The following NFIX variants were observed in gnomAD, a reference collection of about 807,000 sequenced individuals.
NFIX encodes the protein nuclear factor 1 X-type.
A neutral mutation model predicts 53.3 loss-of-function variants in NFIX; 2 were observed. The observed-to-expected ratio is 0.04, with a 90% CI of 0.02 to 0.12. The LOEUF is 0.12. NFIX is among the 10% of genes least tolerant of loss of function. The pLI, the probability that NFIX is intolerant of heterozygous loss-of-function variation, is 1.00. For missense variants in NFIX, 310 were observed against 674.5 expected (o/e 0.46, Z 5.99); for synonymous variants, 244 against 289.0 (o/e 0.84, Z 1.58).
chr19:13,035,568 G>T (rs2014127636), intron 2 of NFIX, among the ~76,000 whole-genome samples: 1 of 151,756 alleles, frequency 6.6e-6, no homozygotes. Context: ...CTGTTGTCTG[G>T]GTCTTAGTAC....
chr19:13,019,747 T>A (rs77790095), intron 1 of NFIX, among the ~76,000 whole-genome samples: 1 of 147,188 alleles, frequency 6.8e-6, no homozygotes, highest in Non-Finnish European at 1.5e-5. Flanking sequence ...TTTTTTTTTT[T>A]ACCAAATAGT....
Position 13,002,256 on chromosome 19 carries a change from T to C in NFIX, c.27+6392T>C, listed in dbSNP as rs1334098272. 1.3e-5 allele frequency among the ~76,000 whole-genome samples: 2 copies of C among 149,676 alleles called. No homozygotes were observed. Among genetic ancestry groups the C allele is most frequent in the Admixed American group, 6.6e-5 (1 of 15,038 alleles). ...TCCTCCCCTCCTCCCGCTCCCTCTC[T>C]CCCTCTCTCTCTCCTCCTGCCAAAC... On this transcript the variant is annotated intron_variant, in intron 1 of 10. Transcript: ENST00000592199. This position sits in a 1 kb window ranked among gnomAD's most constrained non-coding sequence, Gnocchi z 6.1.
chr19:13,000,016 C>T (rs781165945), intron 1 of NFIX, among the ~76,000 whole-genome samples: 4 of 152,186 alleles, frequency 2.6e-5, no homozygotes, highest in Non-Finnish European at 5.9e-5. Context: ...AGCTCAGAGC[C>T]GAGGGCTCTG....
chr19:13,069,040 G>A (rs748246693), intron 2 of NFIX, among the ~76,000 whole-genome samples: 7 of 152,230 alleles, frequency 4.6e-5, no homozygotes, highest in Non-Finnish European at 7.3e-5. Flanking sequence ...GCATTTGATG[G>A]GCCAAGTGGG....
intron 2 of NFIX, among the ~76,000 whole-genome samples, chr19:13,061,600 C>T (rs887086059): frequency 1.3e-5 from 2 of 152,172 alleles, no homozygotes; most frequent in Non-Finnish European, 1.5e-5. Flanking sequence ...GCGTCGCTTC[C>T]TGAGCCGCGC....
At chr19:13,084,206 C>T (rs1055330735) in intron 8 of NFIX, among the ~76,000 whole-genome samples, 1 of 152,150 alleles carries the variant, frequency 6.6e-6, no homozygotes, top group African/African-American at 2.4e-5. Context: ...CTTTGGGAGG[C>T]TGAGGCAGGC....
intron 1 of NFIX, among the ~76,000 whole-genome samples, chr19:13,004,820 C>CTTT (rs61430205): frequency 1.4e-4 from 19 of 136,812 alleles, no homozygotes; most frequent in African/African-American, 5.1e-4. Context: ...AAGCTAGGTT[C>CTTT]TTTTTTTTTT....
chr19:13,018,119 A>G (rs1364963070), intron 1 of NFIX, among the ~76,000 whole-genome samples: 1 of 152,192 alleles, frequency 6.6e-6, no homozygotes, highest in Non-Finnish European at 1.5e-5. Context: ...CATTCCTTGT[A>G]GAGGATGAGA....
rs1244476250 is a variant in NFIX, at chr19:13,009,519, C to T, written c.27+13655C>T. Among the ~76,000 whole-genome samples, 1 of 152,206 alleles carries T rather than the reference C, an allele frequency of 6.6e-6. No individual in the cohort carries two copies. Among genetic ancestry groups the T allele is most frequent in the South Asian group, 2.1e-4 (1 of 4,832 alleles). On this transcript the variant is annotated intron_variant, in intron 1 of 10. Coordinates refer to ENST00000592199, the MANE Select transcript of NFIX (RefSeq NM_001365902.3). This position sits in a 1 kb window ranked among gnomAD's most constrained non-coding sequence, Gnocchi z 4.7. ...CAGGTTCACTCCAGCTTTTCATCCC[C>T]CTTCTGGCCACCTGAGGCTCCTCCT...
chr19:13,020,817 C>T (rs538368922), intron 1 of NFIX, among the ~76,000 whole-genome samples: 1 of 152,238 alleles, frequency 6.6e-6, no homozygotes, highest in South Asian at 2.1e-4. Flanking sequence ...TGTCCTGTTT[C>T]CCTAACTTCT....
At chr19:13,016,562 T>TAA (rs761952470) in intron 1 of NFIX, among the ~76,000 whole-genome samples, 1 of 151,468 alleles carries the variant, frequency 6.6e-6, no homozygotes, top group Admixed American at 6.6e-5. Flanking sequence ...TCTGCACACT[T>TAA]ACATTTTTTG....
chr19:13,035,216 C>T (rs2014098220), intron 2 of NFIX, among the ~76,000 whole-genome samples: 2 of 152,208 alleles, frequency 1.3e-5, no homozygotes, highest in East Asian at 1.9e-4. Flanking sequence ...TGTTGAATGT[C>T]GACTGAACCT....
In NFIX at chr19:13,009,614, A is replaced by G. The variant is rs1223451415; in HGVS notation, c.27+13750A>G. Among the ~76,000 whole-genome samples, 5 of 152,210 alleles carry G rather than the reference A, an allele frequency of 3.3e-5. No individual in the cohort carries two copies. Among genetic ancestry groups the G allele is most frequent in the Non-Finnish European group, 7.3e-5 (5 of 68,044 alleles). ...GAAGCCCAGAGCAAGAAACAGGAGGAAGAGGCTTCCTGATTCCCCGCTTAA... is the reference window on the plus strand; with the variant it reads ...GAAGCCCAGAGCAAGAAACAGGAGGGAGAGGCTTCCTGATTCCCCGCTTAA... On this transcript the variant is annotated intron_variant, in intron 1 of 10. Coordinates refer to ENST00000592199, the MANE Select transcript of NFIX (RefSeq NM_001365902.3). This position sits in a 1 kb window ranked among gnomAD's most constrained non-coding sequence, Gnocchi z 4.7.
Position 13,014,231 on chromosome 19 carries a change from ATTCGC to A in NFIX, c.28-10789_28-10785del, listed in dbSNP as rs2012534115. ...CCGCCGTTCCCTCCGCTCCGGTCTG[ATTCGC>A]AAATCCCCAAACTGGCACAAACCGG... On this transcript the variant is annotated intron_variant, in intron 1 of 10. Transcript: ENST00000592199. The surrounding 1 kb of genome is among the most constrained non-coding windows in gnomAD (Gnocchi z 4.4). The A allele has an allele frequency of 1.3e-5, 2 of 151,830 alleles. No homozygotes were observed. Among genetic ancestry groups the A allele is most frequent in the Non-Finnish European group, 2.9e-5 (2 of 67,964 alleles). 9.4% of individuals were successfully genotyped at this position (151,830 alleles called of 1,614,324 possible). A position where few individuals can be genotyped will look rare whatever the true frequency, so the allele number is the denominator to read the frequency against.
intron 1 of NFIX, among the ~76,000 whole-genome samples, chr19:13,004,318 C>G (rs2011892015): frequency 6.6e-6 from 1 of 152,122 alleles, no homozygotes; most frequent in Admixed American, 6.5e-5. Context: ...CAGTCACACC[C>G]AAACAAGACG....
intron 1 of NFIX, among the ~76,000 whole-genome samples, chr19:13,017,356 G>A (rs533790220): frequency 6.6e-6 from 1 of 152,306 alleles, no homozygotes; most frequent in South Asian, 2.1e-4. Context: ...ACATTTTGAG[G>A]AATTGAAAAA....
At chr19:13,039,305 C>G (rs758020212) in intron 2 of NFIX, among the ~76,000 whole-genome samples, 1 of 152,094 alleles carries the variant, frequency 6.6e-6, no homozygotes, top group Non-Finnish European at 1.5e-5. Flanking sequence ...TGTTCCCAGC[C>G]ACGTGGGACA....
intron 2 of NFIX, among the ~76,000 whole-genome samples, chr19:13,062,431 TATC>T (rs1464214866): frequency 6.6e-6 from 1 of 152,304 alleles, no homozygotes; most frequent in East Asian, 1.9e-4. Context: ...TTTGGAGTCT[TATC>T]ATCCACTGCA....
Position 13,090,303 on chromosome 19 carries a change from C to T in NFIX, c.1407C>T (p.Phe469=), listed in dbSNP as rs2018054633. 5 of 1,613,938 alleles carry T rather than the reference C, an allele frequency of 3.1e-6. No homozygotes were observed. Among genetic ancestry groups the T allele is most frequent in the Non-Finnish European group, 4.2e-6 (5 of 1,179,864 alleles). Residue 469 remains phenylalanine (F), a synonymous_variant, in exon 10 of 11, where the codon TTC becomes TTT. Transcript: ENST00000592199. The surrounding 1 kb of genome is among the most constrained non-coding windows in gnomAD (Gnocchi z 6.6). ...TCTCTCCCCTGCTCCCCACAGCATT[C>T]GCAACGACAGGCGCCTCCTCTGCCA... ...GAALTPPSPS[F]ATTGASSANR...
Sources: gnomAD v4.1 joint callset for allele counts (sites outside exome capture counted in the v4.1 genomes callset) on GRCh38, gnomAD v4.1.1 for gene constraint, Gnocchi (gnomAD v3.1) non-coding constraint, MANE v1.5 for transcripts, NCBI Gene and HGNC (gene_info 2026-07-23, HGNC 2026-07-21) for gene names.